KICS2: variants seen among roughly 807,000 people sequenced by gnomAD.
KICS2 encodes the protein KICSTOR complex protein C12orf66.
KICS2 carries 13 observed loss-of-function variants against 31.4 expected under a neutral mutation model. The observed-to-expected ratio is 0.41, with a 90% CI of 0.27 to 0.66. The LOEUF is 0.66. KICS2 is among the 30% of genes least tolerant of loss of function. The probability of loss-of-function intolerance (pLI) is 0.28; values close to 1 mark genes in which losing one functional copy is unlikely to be tolerated. For synonymous variants in KICS2, 209 were observed against 214.8 expected (o/e 0.97, Z 0.24); for missense variants, 455 against 545.4 (o/e 0.83, Z 1.65).
intron 2 of KICS2, among the ~76,000 whole-genome samples, chr12:64,205,785 G>GAAGT (rs2037534219): frequency 6.6e-6 from 1 of 151,814 alleles, no homozygotes; most frequent in South Asian, 2.1e-4. Flanking sequence ...GGGAAGGAAG[G>GAAGT]AAGGAAGGAA....
downstream of KICS2, among the ~76,000 whole-genome samples, chr12:64,190,410 G>C (rs879643158): frequency 3.3e-5 from 5 of 151,654 alleles, no homozygotes; most frequent in Non-Finnish European, 7.3e-5. Context: ...AGATCAAAAG[G>C]GTGGACATTC....
chr12:64,204,874 T>C (rs2037522635), intron 2 of KICS2: 2 of 152,220 alleles, frequency 1.3e-5, no homozygotes, highest in Non-Finnish European at 2.9e-5. Flanking sequence ...GATAACACTT[T>C]TTAAAAAAAT....
At chr12:64,209,707 G>T (rs2037567710) in intron 2 of KICS2, among the ~76,000 whole-genome samples, 1 of 152,214 alleles carries the variant, frequency 6.6e-6, no homozygotes, top group African/African-American at 2.4e-5. Flanking sequence ...ATCTGTGAAA[G>T]CAGACTAGAC....
intron 1 of KICS2, among the ~76,000 whole-genome samples, chr12:64,218,060 G>C (rs1297446816): frequency 6.6e-6 from 1 of 152,180 alleles, no homozygotes; most frequent in Non-Finnish European, 1.5e-5. Context: ...TGAGTAGCTG[G>C]CACATCATTT....
chr12:64,190,594 A>G (rs145209874), downstream of KICS2, among the ~76,000 whole-genome samples: 816 of 152,164 alleles, frequency 5.4e-3, 14 homozygotes, highest in African/African-American at 0.019. Flanking sequence ...GTGCGACCCT[A>G]TCTCTAAAAT....
rs2037433794 is a variant in KICS2 at position 64,196,073 on chromosome 12, C to CCAGA, written c.522-1416_522-1415insTCTG. ...TTGATTAGGTAAACAAAGCAGCGGG[C>CCAGA]AGCTCCAACTGGGTGGAGCCCACCA... is the stretch of plus-strand genomic sequence containing the variant. On this transcript the variant is annotated intron_variant, in intron 2 of 2. Transcript: ENST00000398055. 1.3e-4 allele frequency among the ~76,000 whole-genome samples: 17 copies of CCAGA among 126,856 alleles called. No individual in the cohort carries two copies. The East Asian group carries it at 3.7e-3, about 28-fold the overall frequency. The allele number at this position is 126,856 out of a possible 152,430, so 83.2% of individuals were successfully genotyped here. A position where few individuals can be genotyped will look rare whatever the true frequency, so the allele number is the denominator to read the frequency against.
In KICS2 at chr12:64,194,085, G is replaced by A; in HGVS notation, c.1095C>T (p.Ile365=). Residue 365 remains isoleucine (I), a synonymous_variant, in exon 3 of 3, where the codon ATC becomes ATT. Transcript: ENST00000398055. ...DRPVMHWPNV[I]MIMTDRTSDL... is the part of the protein sequence containing the mutation. ...CAGATGTGCGGTCCGTCATGATCAT[G>A]ATGACATTGGGCCAGTGCATGACTG... 6.2e-7 allele frequency: 1 copy of A among 1,614,172 alleles called. No homozygotes were observed. Among genetic ancestry groups the A allele is most frequent in the Non-Finnish European group, 8.5e-7 (1 of 1,180,032 alleles).
chr12:64,188,341 T>C (rs2037354766), downstream of KICS2, among the ~76,000 whole-genome samples: 1 of 152,220 alleles, frequency 6.6e-6, no homozygotes, highest in South Asian at 2.1e-4. Context: ...CTGGCCAACA[T>C]GGTGAAACCC....
intron 2 of KICS2, among the ~76,000 whole-genome samples, chr12:64,204,136 TA>T (rs1555181580): frequency 2.6e-5 from 4 of 152,004 alleles, no homozygotes; most frequent in Admixed American, 6.5e-5. Context: ...TGTTCTCACT[TA>T]TAAGCAGGAG....
intron 2 of KICS2, among the ~76,000 whole-genome samples, chr12:64,207,053 C>T: frequency 6.6e-6 from 1 of 151,820 alleles, no homozygotes; most frequent in South Asian, 2.1e-4. Context: ...GCCTGTAATC[C>T]CAGCACTTTG....
intron 2 of KICS2, among the ~76,000 whole-genome samples, chr12:64,196,209 C>A (rs1282699274): frequency 5.3e-5 from 8 of 151,958 alleles, no homozygotes; most frequent in African/African-American, 1.9e-4. Flanking sequence ...TGTCTGACAG[C>A]TTTGAAGAGA....
chr12:64,195,137 GTTTCAAACTCTA>G (rs1372635689), intron 2 of KICS2, among the ~76,000 whole-genome samples: 1 of 152,094 alleles, frequency 6.6e-6, no homozygotes, highest in Non-Finnish European at 1.5e-5. Context: ...GCCCAGGCTG[GTTTCAAACTCTA>G]AGTGATCTTC....
intron 2 of KICS2, among the ~76,000 whole-genome samples, chr12:64,198,641 C>CA (rs2037461611): frequency 1.8e-5 from 1 of 54,860 alleles, no homozygotes; most frequent in Non-Finnish European, 3.6e-5. Flanking sequence ...AAAAACCCTT[C>CA]AAAAAATCAA....
intron 1 of KICS2, 67 bp from the exon 2 acceptor site, chr12:64,216,030 C>T: frequency 2.1e-6 from 3 of 1,427,664 alleles, no homozygotes; most frequent in Admixed American, 2.4e-5. Flanking sequence ...AAACACCTAC[C>T]AACATGCAAA....
downstream of KICS2, among the ~76,000 whole-genome samples, chr12:64,189,641 ATAAG>A (rs2037363997): frequency 3.3e-5 from 5 of 152,242 alleles, no homozygotes; most frequent in East Asian, 7.7e-4. Flanking sequence ...AAAGATATAA[ATAAG>A]TAAGTTAAAA....
At chr12:64,206,760 C>T (rs1170894977) in intron 2 of KICS2, among the ~76,000 whole-genome samples, 2 of 152,140 alleles carry the variant, frequency 1.3e-5, no homozygotes, top group Admixed American at 6.5e-5. Context: ...ATCTCAAGGA[C>T]ATTATGGTAA....
chr12:64,215,781 C>A lies in KICS2; in HGVS notation c.418G>T (p.Ala140Ser). ...GTGTACATCTTCTCATAGAAGTCTG[C>A]TATCTCCATCCGAGCCTGAACAAAG... ...CFFVQARMEI[A>S]DFYEKMYTLS... Residue 140 changes from alanine to serine, a missense_variant, in exon 2 of 3, where the codon GCA becomes TCA. Ala to Ser is a moderately conservative substitution (Grantham distance 99). Coordinates refer to ENST00000398055, the MANE Select transcript of KICS2 (RefSeq NM_152440.5). The A allele has an allele frequency of 1.2e-5, 20 of 1,614,060 alleles. No individual in the cohort carries two copies. Among genetic ancestry groups the A allele is most frequent in the Non-Finnish European group, 1.7e-5 (20 of 1,180,014 alleles).
chr12:64,206,806 A>G (rs1403504381), intron 2 of KICS2, among the ~76,000 whole-genome samples: 2 of 152,216 alleles, frequency 1.3e-5, no homozygotes, highest in East Asian at 1.9e-4. Flanking sequence ...CAAATACTGT[A>G]TGATTCTAGT....
At chr12:64,210,739 T>C (rs966025982) in intron 2 of KICS2, among the ~76,000 whole-genome samples, 11 of 152,204 alleles carry the variant, frequency 7.2e-5, no homozygotes, top group Admixed American at 2.0e-4. Flanking sequence ...AGAGCGCCAC[T>C]GAACTCTAGC....
Sources: gnomAD v4.1 joint callset for allele counts (sites outside exome capture counted in the v4.1 genomes callset) on GRCh38, gnomAD v4.1.1 for gene constraint, MANE v1.5 for transcripts, NCBI Gene and HGNC (gene_info 2026-07-23, HGNC 2026-07-21) for gene names.